Variants in ARHGAP45 observed in about 807,000 individuals in gnomAD.
ARHGAP45 encodes Rho GTPase activating protein 45.
Under a neutral mutation model 116.1 loss-of-function variants are expected in ARHGAP45, and 56 were observed. That is an observed-to-expected ratio of 0.48 (90% CI 0.39 to 0.60). The LOEUF is 0.60. Among genes scored for constraint, ARHGAP45 ranks in the 20% least tolerant of loss-of-function variants. The probability of loss-of-function intolerance (pLI) is 0.00; values close to 1 mark genes in which losing one functional copy is unlikely to be tolerated. For synonymous variants in ARHGAP45, 866 were observed against 701.7 expected (o/e 1.23, Z -3.70); for missense variants, 1,622 against 1,601.0 (o/e 1.01, Z -0.22).
At chr19:1,085,569 G>A in intron 22 of ARHGAP45, 91 bp from the exon 23 acceptor site, 4 of 749,350 alleles carry the variant, frequency 5.3e-6, no homozygotes, top group Non-Finnish European at 5.9e-6. Context: ...CCCCTCTCCT[G>A]TCTCTCCCCA....
intron 21 of ARHGAP45, 136 bp from the exon 22 acceptor site, chr19:1,084,102 G>A: frequency 1.3e-6 from 1 of 772,966 alleles, no homozygotes; most frequent in Non-Finnish European, 2.3e-6. Context: ...TCTCGGGTTT[G>A]CTCTTGGCTG....
chr19:1,066,461 G>A, upstream of ARHGAP45: 2 of 451,020 alleles, frequency 4.4e-6, no homozygotes, highest in Non-Finnish European at 4.1e-6. Flanking sequence ...CCTTAGCTAA[G>A]GGCAGGTCTG....
chr19:1,084,208 C>A, intron 21 of ARHGAP45, 30 bp from the exon 22 acceptor site: 3 of 1,586,716 alleles, frequency 1.9e-6, no homozygotes, highest in South Asian at 1.1e-5. Context: ...GAGCCCCGGC[C>A]CCTCTATGAC....
At chr19:1,083,616 A>G (rs1874208078) in intron 21 of ARHGAP45, among the ~76,000 whole-genome samples, 1 of 151,736 alleles carries the variant, frequency 6.6e-6, no homozygotes, top group Admixed American at 6.6e-5. Flanking sequence ...CTCACCCTTC[A>G]CCCCCAGCTT....
In ARHGAP45 at chr19:1,084,389, T is replaced by TGTGCCACCCATGGGCGCAG. The variant is rs773293101; in HGVS notation, c.3064+50_3064+68dup. On this transcript the variant is annotated intron_variant, in intron 22 of 22. Transcript: ENST00000313093. ...CGAACGGCCCCAAGGGAGGCTGGCG[T>TGTGCCACCCATGGGCGCAG]GTGCCACCCATGGGCGCAGGTGCCA... The TGTGCCACCCATGGGCGCAG allele has an allele frequency of 2.0e-6, 3 of 1,496,564 alleles. No individual in the cohort carries two copies. In the East Asian group the frequency reaches 6.8e-5, roughly 34 times the overall value. The allele number at this position is 1,496,564 out of a possible 1,614,324, so 92.7% of individuals were successfully genotyped here.
Position 1,085,965 on chromosome 19 carries a change from A to C in ARHGAP45, c.3370A>C (p.Thr1124Pro), listed in dbSNP as rs137868278. The change falls in exon 23 of 23, where the codon ACA becomes CCA. Residue 1124 changes from threonine to proline, a missense_variant. By Grantham distance (38) the Thr-to-Pro change is conservative. Coordinates refer to ENST00000313093, the MANE Select transcript of ARHGAP45 (RefSeq NM_012292.5). ...CATGAGGCTCCGTGGCGGGCGGATG[A>C]CACTGGGCTCCTGCAGGGAAAGGCA... ...PPMRLRGGRMTLGSCRERQPE... is the reference protein window; with the variant it reads ...PPMRLRGGRMPLGSCRERQPE... 3.5e-4 allele frequency: 564 copies of C among 1,612,824 alleles called. No homozygotes were observed. The African/African-American group carries it at 6.5e-3, about 18-fold the overall frequency.
chr19:1,086,153 GCCT>G lies in ARHGAP45; in HGVS notation c.*153_*155del, dbSNP rs1313374322. On this transcript the variant is annotated 3_prime_UTR_variant, in exon 23 of 23. Transcript: ENST00000313093. ...GGACTTCGACGTCCCACCAGCGGGC[GCCT>G]CCTCCCAGAGGCTTCCAGGAGCACG... 1 of 703,402 alleles carries G rather than the reference GCCT, an allele frequency of 1.4e-6. No individual in the cohort carries two copies. The highest frequency in any genetic ancestry group is 2.3e-6 in the Non-Finnish European group (1 of 426,962). The allele number at this position is 703,402 out of a possible 1,614,324, so 43.6% of individuals were successfully genotyped here.
At position 1,073,820 on chromosome 19, in the gene ARHGAP45, A is replaced by T; in HGVS notation, c.723+74A>T. 2.0e-6 allele frequency: 3 copies of T among 1,535,338 alleles called. No homozygotes were observed. The South Asian group carries it at 3.6e-5, about 18-fold the overall frequency. ...CCGGGTTCAGGTCTGCAGGGCCCAG[A>T]CAGTCACCCTGCTTCCCCTGTGCGC... is the stretch of plus-strand genomic sequence containing the variant. On this transcript the variant is annotated intron_variant, in intron 5 of 22. Transcript: ENST00000313093.
At chr19:1,076,176 C>A (rs982080163) in intron 10 of ARHGAP45, among the ~76,000 whole-genome samples, 2 of 152,118 alleles carry the variant, frequency 1.3e-5, no homozygotes, top group Admixed American at 6.6e-5. Flanking sequence ...GGATCAGTGC[C>A]CAAAATAGAA....
Position 1,082,406 on chromosome 19 carries a change from C to T in ARHGAP45, c.2518-434C>T, listed in dbSNP as rs1197061573. On this transcript the variant is annotated intron_variant, in intron 19 of 22. Coordinates refer to ENST00000313093, the MANE Select transcript of ARHGAP45 (RefSeq NM_012292.5). ...ACAAGTGCGGGGCTGGCGGTGGGGCCTGGGCTTGGTGGGGCGAGGCTGGGG... is the reference window on the plus strand; with the variant it reads ...ACAAGTGCGGGGCTGGCGGTGGGGCTTGGGCTTGGTGGGGCGAGGCTGGGG... 8.5e-5 allele frequency: 21 copies of T among 247,254 alleles called. No individual in the cohort carries two copies. In the Admixed American group the frequency reaches 1.3e-3, roughly 15 times the overall value. 15.3% of individuals were successfully genotyped at this position (247,254 alleles called of 1,614,324 possible). A position where few individuals can be genotyped will look rare whatever the true frequency, so the allele number is the denominator to read the frequency against.
chr19:1,081,831 A>T lies in ARHGAP45; in HGVS notation c.2387A>T (p.Tyr796Phe). 1 of 1,609,048 alleles carries T rather than the reference A, an allele frequency of 6.2e-7. No individual in the cohort carries two copies. The highest frequency in any genetic ancestry group is 1.1e-5 in the South Asian group (1 of 90,496). ...ACCCCCGGGCTCCCGCAGGGCATCT[A>T]CCGGGTCAATGGGGTAAAGACACGC... is the stretch of plus-strand genomic sequence containing the variant. ...ERRALRTKGI[Y>F]RVNGVKTRVE... is the part of the protein sequence containing the mutation. The change falls in exon 19 of 23, where the codon TAC becomes TTC. Residue 796 changes from tyrosine to phenylalanine, a missense_variant. Around this residue, in one of 3 missense-constraint regions of ARHGAP45, gnomAD observed 1,334 missense variants for 1,263.8 expected, o/e 1.06. Transcript: ENST00000313093.
chr19:1,067,863 G>A (rs2043068015), intron 1 of ARHGAP45, among the ~76,000 whole-genome samples: 1 of 151,858 alleles, frequency 6.6e-6, no homozygotes, highest in Non-Finnish European at 1.5e-5. Flanking sequence ...TGGCCATTGG[G>A]CTGAAGGTTG....
chr19:1,073,278 T>C lies in ARHGAP45; in HGVS notation c.551T>C (p.Ile184Thr). The stretch of plus-strand genomic sequence containing the variant: ...ACGCTCACCGCAGCCGGCACCCTCA[T>C]TGCCAAGGTCAAAGGTCAGCCTGCT... ...VETLTAAGTL[I>T]AKVKAFHYES... The change falls in exon 3 of 23, where the codon ATT becomes ACT. Residue 184 changes from isoleucine to threonine, a missense_variant. Physicochemically the swap from Ile to Thr is moderately conservative, Grantham distance 89. Coordinates refer to ENST00000313093, the MANE Select transcript of ARHGAP45 (RefSeq NM_012292.5). The C allele has an allele frequency of 6.2e-7, 1 of 1,613,536 alleles. No individual in the cohort carries two copies. The highest frequency in any genetic ancestry group is 1.3e-5 in the African/African-American group (1 of 75,048).
In ARHGAP45 at chr19:1,085,602, T is replaced by TCC. The variant is rs1381686985; in HGVS notation, c.3065-58_3065-57insCC. On this transcript the variant is annotated intron_variant, in intron 22 of 22. Coordinates refer to ENST00000313093, the MANE Select transcript of ARHGAP45 (RefSeq NM_012292.5). Reference sequence around the variant, plus strand: ...CCATCTCTCCTGTCTGTCCCTCCCCTTGTCTCTCCTCCATCTCTCCTGTCT... The same window carrying TCC: ...CCATCTCTCCTGTCTGTCCCTCCCCTCCTGTCTCTCCTCCATCTCTCCTGTCT... 6.2e-6 allele frequency: 8 copies of TCC among 1,293,718 alleles called. No homozygotes were observed. In the African/African-American group the frequency reaches 1.2e-4, roughly 20 times the overall value. 80.1% of individuals were successfully genotyped at this position (1,293,718 alleles called of 1,614,324 possible).
At chr19:1,085,561 C>CCTCTCCTGTCTCTCCCCAT (rs886549043) in intron 22 of ARHGAP45, 99 bp from the exon 23 acceptor site, 55 of 645,790 alleles carry the variant, frequency 8.5e-5, no homozygotes, top group Admixed American at 7.8e-4. Flanking sequence ...CTCTCTCCCC[C>CCTCTCCTGTCTCTCCCCAT]CTCTCCTGTC....
intron 17 of ARHGAP45, 136 bp from the exon 18 acceptor site, chr19:1,081,414 G>A: frequency 1.1e-6 from 1 of 935,888 alleles, no homozygotes; most frequent in South Asian, 1.8e-5. Context: ...GAAGCCACGA[G>A]CCACTGTCCA....
chr19:1,076,075 T>C (rs1050557725), intron 10 of ARHGAP45, among the ~76,000 whole-genome samples: 1 of 152,132 alleles, frequency 6.6e-6, no homozygotes, highest in Non-Finnish European at 1.5e-5. Context: ...GAGTAGGTTA[T>C]TTCATGGACG....
Position 1,079,825 on chromosome 19 carries a change from C to T in ARHGAP45, c.1497C>T (p.Asp499=). 6.2e-7 allele frequency: 1 copy of T among 1,607,316 alleles called. No individual in the cohort carries two copies. The change falls in exon 12 of 23, where the codon GAC becomes GAT. Residue 499 remains aspartate, a synonymous_variant. Transcript: ENST00000313093. ...TCCAGGAGGTCATCCGGCAGAGCGA[C>T]CAAACCATCAAGTCGGTGCGTGGGG... The part of the protein sequence containing the change: ...RQIQEVIRQS[D]QTIKSATISY...
intron 16 of ARHGAP45, 46 bp from the exon 17 acceptor site, chr19:1,080,846 G>A: frequency 2.5e-6 from 4 of 1,607,310 alleles, no homozygotes; most frequent in Non-Finnish European, 3.4e-6. Context: ...CCATGGGCCT[G>A]GCCCTGAGCT....
Sources: gnomAD v4.1 joint callset for allele counts (sites outside exome capture counted in the v4.1 genomes callset) on GRCh38, gnomAD v4.1.1 for gene constraint, gnomAD v4.1.1 regional missense constraint, MANE v1.5 for transcripts, NCBI Gene and HGNC (gene_info 2026-07-23, HGNC 2026-07-21) for gene names.